Variants in CCDC88A observed in about 807,000 individuals in gnomAD.
CCDC88A encodes coiled-coil and HOOK domain protein 88A.
Under a neutral mutation model 234.3 loss-of-function variants are expected in CCDC88A, and 54 were observed. The observed-to-expected ratio is 0.23, with a 90% confidence interval of 0.19 to 0.29. The LOEUF (loss-of-function observed/expected upper bound fraction) is 0.29. CCDC88A is among the 10% of genes least tolerant of loss of function. CCDC88A has a pLI of 1.00. For missense variants in CCDC88A, 1,832 were observed against 2,123.4 expected (o/e 0.86, Z 2.70); for synonymous variants, 753 against 737.8 (o/e 1.02, Z -0.33).
At chr2:55,347,950 G>A (rs1279244352) in intron 9 of CCDC88A, among the ~76,000 whole-genome samples, 1 of 150,224 alleles carries the variant, frequency 6.7e-6, no homozygotes, top group African/African-American at 2.5e-5. Flanking sequence ...ACATGGAATG[G>A]GTTAATTTTT....
At chr2:55,322,725 GA>G (rs754316466) in intron 17 of CCDC88A, 33 bp from the exon 18 acceptor site, 32 of 1,198,870 alleles carry the variant, frequency 2.7e-5, no homozygotes, top group Non-Finnish European at 3.5e-5. Context: ...TTAATGGGGA[GA>G]AAAAAATCAC....
At chr2:55,319,854 A>C (rs1185803838) in intron 18 of CCDC88A, among the ~76,000 whole-genome samples, 2 of 152,186 alleles carry the variant, frequency 1.3e-5, no homozygotes, top group Non-Finnish European at 2.9e-5. Flanking sequence ...AACAGAAATA[A>C]AACTTTAATG....
At chr2:55,367,537 TAA>T (rs1672199743) in intron 5 of CCDC88A, among the ~76,000 whole-genome samples, 2 of 146,826 alleles carry the variant, frequency 1.4e-5, no homozygotes, top group Non-Finnish European at 3.0e-5. Context: ...TGTTTTTTTT[TAA>T]GAGACTGGGT....
chr2:55,305,835 T>C (rs1681482465), intron 25 of CCDC88A, among the ~76,000 whole-genome samples: 1 of 151,814 alleles, frequency 6.6e-6, no homozygotes, highest in African/African-American at 2.4e-5. Context: ...CGCTCCAGCT[T>C]GGGCAACAGA....
intron 2 of CCDC88A, chr2:55,417,971 T>C (rs1434876238): frequency 6.6e-6 from 1 of 152,126 alleles, no homozygotes; most frequent in African/African-American, 2.4e-5. Context: ...AAATTCAGTT[T>C]GATAAACTAC....
intron 2 of CCDC88A, chr2:55,404,291 T>C (rs1679192991): frequency 6.6e-6 from 1 of 152,152 alleles, no homozygotes; most frequent in Non-Finnish European, 1.5e-5. Flanking sequence ...GGTAAGAAAA[T>C]CTTTTTTCCA....
intron 2 of CCDC88A, among the ~76,000 whole-genome samples, chr2:55,415,455 TC>T (rs772641664): frequency 6.6e-6 from 1 of 152,100 alleles, no homozygotes; most frequent in Non-Finnish European, 1.5e-5. Flanking sequence ...AAGACAGTGA[TC>T]CCCAATCGAT....
chr2:55,309,307 G>T lies in CCDC88A; in HGVS notation c.4080-53C>A. 1 of 805,508 alleles carries T rather than the reference G, an allele frequency of 1.2e-6. No individual in the cohort carries two copies. Among genetic ancestry groups the T allele is most frequent in the Non-Finnish European group, 2.0e-6 (1 of 488,638 alleles). 49.9% of individuals were successfully genotyped at this position (805,508 alleles called of 1,614,324 possible). A position where few individuals can be genotyped will look rare whatever the true frequency, so the allele number is the denominator to read the frequency against. On this transcript the variant is annotated intron_variant, in intron 23 of 32. Coordinates refer to ENST00000436346, the MANE Select transcript of CCDC88A (RefSeq NM_001365480.1). This position sits in a 1 kb window ranked among gnomAD's most constrained non-coding sequence, Gnocchi z 5.1. ...CAGGCATCATATTTTGTACAGCTAT[G>T]AATATTAAATTATTTGGTGACTGTG...
At chr2:55,377,256 G>A (rs543582419) in intron 3 of CCDC88A, among the ~76,000 whole-genome samples, 8 of 139,252 alleles carry the variant, frequency 5.7e-5, no homozygotes, top group East Asian at 4.1e-4. Context: ...GGAGTACATC[G>A]GTGCAATCAC....
At chr2:55,380,827 G>A in intron 3 of CCDC88A, among the ~76,000 whole-genome samples, 1 of 152,144 alleles carries the variant, frequency 6.6e-6, no homozygotes, top group East Asian at 1.9e-4. Context: ...ATGTTGGCCA[G>A]GCTGGTCTCA....
At position 55,301,988 on chromosome 2, in the gene CCDC88A, G is replaced by A. The variant is rs761248184; in HGVS notation, c.4556C>T (p.Ser1519Leu). Residue 1519 changes from serine to leucine, a missense_variant, in exon 27 of 33, where the codon TCA becomes TTA. Ser to Leu is a moderately radical substitution (Grantham distance 145, BLOSUM62 -2). Around this residue, in one of 6 missense-constraint regions of CCDC88A, gnomAD observed 422 missense variants for 416.5 expected, o/e 1.01. Coordinates refer to ENST00000436346, the MANE Select transcript of CCDC88A (RefSeq NM_001365480.1). ...TENLEVPDDI[S>L]TGKRRKELGA... ...CAATTCTTTTCTCCTTTTACCCGTT[G>A]AAATATCATCAGGAACCTCCAAATT... 2 of 1,614,046 alleles carry A rather than the reference G, an allele frequency of 1.2e-6. No homozygotes were observed. Among genetic ancestry groups the A allele is most frequent in the Non-Finnish European group, 1.7e-6 (2 of 1,179,896 alleles).
At chr2:55,375,326 TAAGA>T (rs1673455451) in intron 3 of CCDC88A, among the ~76,000 whole-genome samples, 1 of 151,894 alleles carries the variant, frequency 6.6e-6, no homozygotes, top group African/African-American at 2.4e-5. Context: ...GCTAGAAAAT[TAAGA>T]AACATTCCTC....
intron 25 of CCDC88A, 191 bp downstream of exon 25, chr2:55,308,618 A>G (rs965838314): frequency 7.2e-6 from 4 of 558,608 alleles, no homozygotes; most frequent in Non-Finnish European, 1.3e-5. Flanking sequence ...AAATGATAGT[A>G]TATCTGTGTA....
chr2:55,292,104 A>C, intron 31 of CCDC88A: 1 of 183,626 alleles, frequency 5.4e-6, no homozygotes, highest in Non-Finnish European at 1.1e-5. Flanking sequence ...TAGCAAAACC[A>C]TCTGGAATGA....
At position 55,411,794 on chromosome 2, in the gene CCDC88A, A is replaced by AC. The variant is rs1558849196; in HGVS notation, c.164+7021_164+7022insG. 5.7e-5 allele frequency among the ~76,000 whole-genome samples: 8 copies of AC among 141,474 alleles called. 1 individual carries two copies. The highest frequency in any genetic ancestry group is 4.6e-4 in the South Asian group (2 of 4,330). The allele number at this position is 141,474 out of a possible 152,430, so 92.8% of individuals were successfully genotyped here. On this transcript the variant is annotated intron_variant, in intron 2 of 32. Coordinates refer to ENST00000436346, the MANE Select transcript of CCDC88A (RefSeq NM_001365480.1). ...GACTCCGTCTCAAAAAAAAAAAAAA[A>AC]AAAAAAAAACTCAACATATTGGACA...
intron 2 of CCDC88A, among the ~76,000 whole-genome samples, chr2:55,392,102 C>A (rs564370749): frequency 6.6e-6 from 1 of 152,272 alleles, no homozygotes; most frequent in African/African-American, 2.4e-5. Flanking sequence ...ACAGGAAAAA[C>A]ACAGAACAGA....
At position 55,335,089 on chromosome 2, in the gene CCDC88A, C is replaced by A. The variant is rs1279559283; in HGVS notation, c.1732G>T (p.Ala578Ser). The A allele has an allele frequency of 6.2e-7, 1 of 1,605,070 alleles. No homozygotes were observed. Among genetic ancestry groups the A allele is most frequent in the African/African-American group, 1.3e-5 (1 of 74,394 alleles). Residue 578 changes from alanine (A) to serine (S), a missense_variant, in exon 15 of 33, where the codon GCA becomes TCA. By Grantham distance (99) the Ala-to-Ser change is moderately conservative (BLOSUM62 1). Coordinates refer to ENST00000436346, the MANE Select transcript of CCDC88A (RefSeq NM_001365480.1). This position sits in a 1 kb window ranked among gnomAD's most constrained non-coding sequence, Gnocchi z 4.5. ...TCAATGTCTTTCACTCTTGCTTCTG[C>A]ACTTATCTGGGACCGCTGCCTTAAG... is the stretch of plus-strand genomic sequence containing the variant. ...SSLRQRSQIS[A>S]EARVKDIEKE...
rs1012894187 is a variant in CCDC88A, at chr2:55,287,891, T to A, written c.*3309A>T. 7.2e-5 allele frequency: 11 copies of A among 152,520 alleles called. No homozygotes were observed. Among genetic ancestry groups the A allele is most frequent in the African/African-American group, 2.4e-4 (10 of 41,454 alleles). 9.4% of individuals were successfully genotyped at this position (152,520 alleles called of 1,614,324 possible). A position where few individuals can be genotyped will look rare whatever the true frequency, so the allele number is the denominator to read the frequency against. ...TTTATTTCTTTTTATATTAGTTTGATACGTGAATGTTAGTCCAACTTAATT... is the reference window on the plus strand; with the variant it reads ...TTTATTTCTTTTTATATTAGTTTGAAACGTGAATGTTAGTCCAACTTAATT... On this transcript the variant is annotated 3_prime_UTR_variant, in exon 33 of 33. Transcript: ENST00000436346.
chr2:55,390,093 C>T (rs181193514), intron 2 of CCDC88A, among the ~76,000 whole-genome samples: 169 of 137,584 alleles, frequency 1.2e-3, no homozygotes, highest in African/African-American at 4.3e-3. Flanking sequence ...TATGTATCAA[C>T]TCACTTTAAC....
Sources: allele counts gnomAD v4.1 joint callset (sites outside exome capture counted in the v4.1 genomes callset), GRCh38; gene constraint gnomAD v4.1.1; regional missense constraint gnomAD v4.1.1; non-coding constraint Gnocchi (gnomAD v3.1); transcripts MANE v1.5; gene names NCBI Gene and HGNC (gene_info 2026-07-23, HGNC 2026-07-21).